ERC1: variants seen among roughly 807,000 people sequenced by gnomAD.
The protein encoded by ERC1 is RAB6 interacting protein 2.
Under a neutral mutation model 132.0 loss-of-function variants are expected in ERC1, and 56 were observed. The observed-to-expected ratio is 0.42, with a 90% CI of 0.34 to 0.53. The LOEUF is 0.53. ERC1 is among the 20% of genes least tolerant of loss of function. The probability of loss-of-function intolerance (pLI) is 0.03; values close to 1 mark genes in which losing one functional copy is unlikely to be tolerated. For synonymous variants in ERC1, 478 were observed against 476.1 expected (o/e 1.00, Z -0.05); for missense variants, 1,202 against 1,349.9 (o/e 0.89, Z 1.72).
intron 15 of ERC1, among the ~76,000 whole-genome samples, chr12:1,349,460 A>G (rs2154365850): frequency 6.6e-6 from 1 of 152,254 alleles, no homozygotes; most frequent in Admixed American, 6.5e-5. Context: ...TCAGGAGTCC[A>G]AGACCACCAG....
At chr12:1,065,498 G>C (rs995664058) in intron 2 of ERC1, among the ~76,000 whole-genome samples, 2 of 142,692 alleles carry the variant, frequency 1.4e-5, no homozygotes. Context: ...GTGTGTGTGT[G>C]TGTGTGTGTG....
At chr12:1,328,583 C>T (rs1042442371) in intron 15 of ERC1, among the ~76,000 whole-genome samples, 12 of 152,156 alleles carry the variant, frequency 7.9e-5, no homozygotes, top group African/African-American at 2.7e-4. Context: ...TCCTGTTGTA[C>T]GCCACGCCCA....
chr12:1,130,651 A>G (rs891568052), intron 7 of ERC1, among the ~76,000 whole-genome samples: 4 of 148,004 alleles, frequency 2.7e-5, no homozygotes, highest in African/African-American at 1.0e-4. Flanking sequence ...TTTTTAAACT[A>G]TGTACTGTGG....
chr12:1,468,204 A>G (rs1356148873), intron 18 of ERC1, among the ~76,000 whole-genome samples: 1 of 152,248 alleles, frequency 6.6e-6, no homozygotes, highest in Non-Finnish European at 1.5e-5. Context: ...CAAGAAGGTA[A>G]AGACTCATGG....
chr12:1,237,022 C>A, intron 13 of ERC1, 118 bp downstream of exon 13: 1 of 1,228,280 alleles, frequency 8.1e-7, no homozygotes, highest in Non-Finnish European at 1.1e-6. Flanking sequence ...CTGCTTGCTG[C>A]CTTCCTCTCA....
At chr12:1,421,017 A>G (rs1423789359) in intron 17 of ERC1, among the ~76,000 whole-genome samples, 1 of 148,222 alleles carries the variant, frequency 6.7e-6, no homozygotes, top group Non-Finnish European at 1.5e-5. Context: ...TTTTATGTTT[A>G]TAGGGTACAG....
At chr12:1,181,748 A>C (rs1954492351) in intron 9 of ERC1, among the ~76,000 whole-genome samples, 177 bp from the exon 10 acceptor site, 1 of 150,926 alleles carries the variant, frequency 6.6e-6, no homozygotes, top group Admixed American at 6.6e-5. Flanking sequence ...ACGCCATTAC[A>C]CTCGAGCCTA....
rs537463791 is a variant in ERC1, at chr12:1,472,965, T to G, written c.3214-17128T>G. On this transcript the variant is annotated intron_variant, in intron 18 of 18. Transcript: ENST00000360905. ...AGGAGATGACTGTGAACTATCAAAT[T>G]GTTAAGCAGTGGAATTTTGACTTTG... Among the ~76,000 whole-genome samples, 6 of 152,178 alleles carry G rather than the reference T, an allele frequency of 3.9e-5. No homozygotes were observed. The East Asian group carries it at 1.2e-3, about 29-fold the overall frequency.
intron 16 of ERC1, among the ~76,000 whole-genome samples, chr12:1,395,407 GTTTT>G (rs57837323): frequency 0.31 from 44,557 of 141,808 alleles, 6,731 homozygotes; most frequent in Middle Eastern, 0.37. Flanking sequence ...AAATTTTGTA[GTTTT>G]TTTTTTTTTT....
chr12:1,206,429 C>G (rs927376925), intron 12 of ERC1, among the ~76,000 whole-genome samples: 7 of 152,060 alleles, frequency 4.6e-5, no homozygotes, highest in Admixed American at 4.6e-4. Flanking sequence ...AGTGTCTCCA[C>G]TAAACATTTC....
chr12:1,487,552 G>T (rs11609945), intron 18 of ERC1, among the ~76,000 whole-genome samples: 2 of 70,346 alleles, frequency 2.8e-5, no homozygotes, highest in South Asian at 4.0e-4. Flanking sequence ...AAAAGAAAAA[G>T]AAAAGAGAAA....
intron 12 of ERC1, among the ~76,000 whole-genome samples, chr12:1,214,665 TACACACACACACACACACAC>T (rs59137347): frequency 6.7e-5 from 8 of 118,962 alleles, no homozygotes; most frequent in African/African-American, 1.3e-4. Context: ...TGTGTATACA[TACACACACACACACACACAC>T]ACACACACAC....
chr12:1,121,640 G>GATCTCTATCTCTATCTCT (rs1186900552), intron 7 of ERC1, among the ~76,000 whole-genome samples: 8 of 88,532 alleles, frequency 9.0e-5, no homozygotes, highest in African/African-American at 1.7e-4. Context: ...AAAGGCTGAT[G>GATCTCTATCTCTATCTCT]ATCTCTATCT....
intron 1 of ERC1, among the ~76,000 whole-genome samples, chr12:1,018,058 G>A (rs1965796810): frequency 6.6e-6 from 1 of 152,178 alleles, no homozygotes; most frequent in Non-Finnish European, 1.5e-5. Flanking sequence ...TTTAGCTACA[G>A]AAGTTTGTAT....
chr12:1,011,688 G>T (rs1964706701), intron 1 of ERC1, among the ~76,000 whole-genome samples: 1 of 152,156 alleles, frequency 6.6e-6, no homozygotes, highest in Non-Finnish European at 1.5e-5. Context: ...AATCCTAGCA[G>T]TTTGGAAGGT....
chr12:1,044,306 T>C (rs1970743298), intron 2 of ERC1, among the ~76,000 whole-genome samples: 1 of 152,236 alleles, frequency 6.6e-6, no homozygotes, highest in Non-Finnish European at 1.5e-5. Flanking sequence ...GTTATCCTAG[T>C]GGAATTCTCT....
intron 15 of ERC1, among the ~76,000 whole-genome samples, chr12:1,333,020 GT>G (rs2082989102): frequency 3.1e-4 from 29 of 93,866 alleles, no homozygotes; most frequent in African/African-American, 1.5e-3. Flanking sequence ...TTTATAATTC[GT>G]CCTGATCCTC....
chr12:1,400,908 ATTTTTGTATTTTTTTTTTTTTTTTT>A lies in ERC1; in HGVS notation c.2926-7235_2926-7211del, dbSNP rs1213632414. ...CTTCTCATTCAATATTGTTTTGGCTATTTTTGTATTTTTTTTTTTTTTTTTTTTTTTTTTTTTTTTTTTTTGTGAC... is the reference window on the plus strand; with the variant it reads ...CTTCTCATTCAATATTGTTTTGGCTATTTTTTTTTTTTTTTTTTTTGTGAC... On this transcript the variant is annotated intron_variant, in intron 16 of 18. Transcript: ENST00000360905. Among the ~76,000 whole-genome samples the A allele has an allele frequency of 4.4e-4, 19 of 43,408 alleles. 1 individual carries two copies. Among genetic ancestry groups the A allele is most frequent in the East Asian group, 2.7e-3 (6 of 2,212 alleles). 28.5% of individuals were successfully genotyped at this position (43,408 alleles called of 152,430 possible).
At chr12:1,434,924 G>A (rs1296095979) in intron 17 of ERC1, among the ~76,000 whole-genome samples, 1 of 152,194 alleles carries the variant, frequency 6.6e-6, no homozygotes. Context: ...AGTTTGTGTT[G>A]TGCTACACGG....
Sources: allele counts gnomAD v4.1 joint callset (sites outside exome capture counted in the v4.1 genomes callset), GRCh38; gene constraint gnomAD v4.1.1; transcripts MANE v1.5; gene names NCBI Gene and HGNC (gene_info 2026-07-23, HGNC 2026-07-21).